Variants in UNC5C observed in about 807,000 individuals in gnomAD.
UNC5C encodes netrin receptor UNC5C.
UNC5C carries 47 observed loss-of-function variants against 99.8 expected under a neutral mutation model. The ratio of observed to expected loss-of-function variants is 0.47; its 90% CI spans 0.37 to 0.60. The LOEUF (loss-of-function observed/expected upper bound fraction) is 0.60. Ranked by LOEUF, UNC5C falls within the 20% of genes least tolerant of loss-of-function variation. The pLI is 0.00. For missense variants in UNC5C, 1,062 were observed against 1,165.9 expected, an observed-to-expected ratio of 0.91 and a Z score of 1.30; for synonymous variants, 487 against 452.2, an observed-to-expected ratio of 1.08 and a Z score of -0.98.
At position 95,170,223 on chromosome 4, in the gene UNC5C, C is replaced by T. The variant is rs1167434160; in HGVS notation, c.2561G>A (p.Ser854Asn). Residue 854 changes from serine to asparagine, a missense_variant, in exon 15 of 16, where the codon AGC becomes AAC. Coordinates refer to ENST00000453304, the MANE Select transcript of UNC5C (RefSeq NM_003728.4). ...IPLPIRQKLC[S>N]SLDAPQTRGH... Reference sequence around the variant, plus strand: ...TCTCGTCTGGGGGGCATCCAGGCTGCTACAGAGCTTCTGCCGGATAGGGAG... The same window carrying T: ...TCTCGTCTGGGGGGCATCCAGGCTGTTACAGAGCTTCTGCCGGATAGGGAG... 1 of 1,614,132 alleles carries T rather than the reference C, an allele frequency of 6.2e-7. No individual in the cohort carries two copies. Among genetic ancestry groups the T allele is most frequent in the East Asian group, 2.2e-5 (1 of 44,864 alleles).
intron 7 of UNC5C, among the ~76,000 whole-genome samples, chr4:95,236,866 C>A (rs558448890): frequency 3.9e-5 from 6 of 152,196 alleles, no homozygotes; most frequent in African/African-American, 1.4e-4. Flanking sequence ...TTGGGTTTTA[C>A]ATTTTTTACA....
rs75214495 is a variant in UNC5C, at chr4:95,283,517, G to C, written c.491-5155C>G. Reference sequence around the variant, plus strand: ...GCCGCTCATTTCAGCATGCTGCCTCGCTACTCTGCGAAGGGAGGGTAGATA... The same window carrying C: ...GCCGCTCATTTCAGCATGCTGCCTCCCTACTCTGCGAAGGGAGGGTAGATA... On this transcript the variant is annotated intron_variant, in intron 3 of 15. Coordinates refer to ENST00000453304, the MANE Select transcript of UNC5C (RefSeq NM_003728.4). 4.3e-3 allele frequency among the ~76,000 whole-genome samples: 648 copies of C among 152,270 alleles called. 2 individuals carry two copies. Among genetic ancestry groups the C allele is most frequent in the African/African-American group, 0.015 (612 of 41,542 alleles).
At chr4:95,348,192 C>T (rs1189891595) in intron 1 of UNC5C, among the ~76,000 whole-genome samples, 1 of 151,810 alleles carries the variant, frequency 6.6e-6, no homozygotes, top group Non-Finnish European at 1.5e-5. Context: ...AAATGCAAAT[C>T]AAAATTACAA....
chr4:95,325,340 C>G (rs1326150487), intron 2 of UNC5C, among the ~76,000 whole-genome samples: 1 of 150,908 alleles, frequency 6.6e-6, no homozygotes, highest in Non-Finnish European at 1.5e-5. Flanking sequence ...AAGAAAAAGG[C>G]CAAAATAAAG....
chr4:95,542,279 G>A lies in UNC5C; in HGVS notation c.124+6455C>T, dbSNP rs562142454. Among the ~76,000 whole-genome samples, 80 of 152,142 alleles carry A rather than the reference G, an allele frequency of 5.3e-4. 1 individual carries two copies. The South Asian group carries it at 0.016, about 30-fold the overall frequency. ...ACGCTCACATTCCACTACCACGTTG[G>A]CAATAAGATGTGTTTAGTTATTTAA... On this transcript the variant is annotated intron_variant, in intron 1 of 15. Transcript: ENST00000453304.
At chr4:95,380,715 C>G (rs1745045282) in intron 1 of UNC5C, among the ~76,000 whole-genome samples, 1 of 152,218 alleles carries the variant, frequency 6.6e-6, no homozygotes, top group Non-Finnish European at 1.5e-5. Context: ...GTGTAACAAA[C>G]AATCCCCTTT....
intron 1 of UNC5C, among the ~76,000 whole-genome samples, chr4:95,509,187 C>A (rs1721999943): frequency 6.6e-6 from 1 of 151,678 alleles, no homozygotes; most frequent in Admixed American, 6.6e-5. Context: ...CTTTGAAGCC[C>A]AGAGAAAATT....
chr4:95,522,020 T>C (rs531651231), intron 1 of UNC5C, among the ~76,000 whole-genome samples: 78 of 152,268 alleles, frequency 5.1e-4, no homozygotes, highest in Non-Finnish European at 9.6e-4. Flanking sequence ...AATATGACCA[T>C]ATTTCTTCCA....
intron 1 of UNC5C, among the ~76,000 whole-genome samples, chr4:95,430,298 C>G (rs767431373): frequency 6.6e-6 from 1 of 152,016 alleles, no homozygotes; most frequent in South Asian, 2.1e-4. Flanking sequence ...ACCTCTCTCT[C>G]AAATTTGCTG....
rs184497749 is a variant in UNC5C, at chr4:95,362,821, C to T, written c.125-27190G>A. On this transcript the variant is annotated intron_variant, in intron 1 of 15. Transcript: ENST00000453304. ...GAAAACCCCTTCTCTATGCCATAGG[C>T]ACTCTAGGGCCTGGGAATATGAAGA... Among the ~76,000 whole-genome samples the T allele has an allele frequency of 1.8e-4, 28 of 152,166 alleles. No individual in the cohort carries two copies. In the East Asian group the frequency reaches 4.6e-3, roughly 25 times the overall value.
intron 1 of UNC5C, among the ~76,000 whole-genome samples, chr4:95,444,427 C>G (rs1747036889): frequency 6.6e-6 from 1 of 151,442 alleles, no homozygotes; most frequent in Non-Finnish European, 1.5e-5. Flanking sequence ...GCCCCCCTGG[C>G]TTCACGCCAT....
At chr4:95,433,508 A>C (rs959372631) in intron 1 of UNC5C, among the ~76,000 whole-genome samples, 3 of 152,074 alleles carry the variant, frequency 2.0e-5, no homozygotes, top group African/African-American at 7.2e-5. Context: ...CTACCACTTC[A>C]ATTTATTAGT....
chr4:95,237,099 A>T (rs1739148986), intron 7 of UNC5C, among the ~76,000 whole-genome samples: 1 of 152,356 alleles, frequency 6.6e-6, no homozygotes, highest in South Asian at 2.1e-4. Context: ...ATGTTAAATA[A>T]ATTGTTATAC....
At chr4:95,528,195 C>G (rs187819095) in intron 1 of UNC5C, among the ~76,000 whole-genome samples, 2 of 152,242 alleles carry the variant, frequency 1.3e-5, no homozygotes, top group East Asian at 3.9e-4. Context: ...AATTTAAAAT[C>G]TAATTTTCAG....
At chr4:95,440,754 G>T (rs1746927489) in intron 1 of UNC5C, among the ~76,000 whole-genome samples, 4 of 152,110 alleles carry the variant, frequency 2.6e-5, no homozygotes, top group Admixed American at 6.5e-5. Context: ...CCATGCCTCA[G>T]TGAACTTGAA....
rs568033313 is a variant in UNC5C at position 95,361,890 on chromosome 4, CCTT to C, written c.125-26262_125-26260del. ...CTAATGATCAATCAACCCATTCACT[CCTT>C]CTTGTTCTTCAGTGTTCTCAGAGCA... is the stretch of plus-strand genomic sequence containing the variant. On this transcript the variant is annotated intron_variant, in intron 1 of 15. Coordinates refer to ENST00000453304, the MANE Select transcript of UNC5C (RefSeq NM_003728.4). 2.1e-4 allele frequency among the ~76,000 whole-genome samples: 32 copies of C among 152,180 alleles called. No homozygotes were observed. In the East Asian group the frequency reaches 4.1e-3, roughly 19 times the overall value.
intron 1 of UNC5C, among the ~76,000 whole-genome samples, chr4:95,530,815 A>G (rs1578211928): frequency 6.6e-6 from 1 of 152,292 alleles, no homozygotes; most frequent in East Asian, 1.9e-4. Context: ...CTGCTGCTGA[A>G]AGGTGCATTT....
intron 1 of UNC5C, among the ~76,000 whole-genome samples, chr4:95,522,573 T>TA (rs547219430): frequency 9.5e-4 from 145 of 152,182 alleles, no homozygotes; most frequent in African/African-American, 3.1e-3. Context: ...AAAAAAAGCT[T>TA]AAAAAAATCA....
intron 1 of UNC5C, among the ~76,000 whole-genome samples, chr4:95,543,456 C>T (rs552094072): frequency 7.9e-5 from 12 of 152,252 alleles, no homozygotes; most frequent in East Asian, 3.9e-4. Context: ...ATTAGGATAA[C>T]GAAACTTCCT....
Sources: allele counts gnomAD v4.1 joint callset (sites outside exome capture counted in the v4.1 genomes callset), GRCh38; gene constraint gnomAD v4.1.1; transcripts MANE v1.5; gene names NCBI Gene and HGNC (gene_info 2026-07-23, HGNC 2026-07-21).